Variants in LHFPL2 observed in about 807,000 individuals in gnomAD.
LHFPL2 encodes LHFPL tetraspan subfamily member 2 protein.
LHFPL2 carries 7 observed loss-of-function variants against 17.5 expected under a neutral mutation model. The ratio of observed to expected loss-of-function variants is 0.40; its 90% CI spans 0.23 to 0.75. The LOEUF (loss-of-function observed/expected upper bound fraction) is 0.75, where lower values mean the gene tolerates loss of function less well. LHFPL2 is among the 30% of genes least tolerant of loss of function. The pLI is 0.37. For missense variants in LHFPL2, 241 were observed against 294.8 expected (o/e 0.82, Z 1.34); for synonymous variants, 134 against 116.2 (o/e 1.15, Z -0.99).
At chr5:78,621,560 T>C (rs1394046992) in intron 2 of LHFPL2, among the ~76,000 whole-genome samples, 1 of 152,188 alleles carries the variant, frequency 6.6e-6, no homozygotes, top group Non-Finnish European at 1.5e-5. Flanking sequence ...TTAGAAACTG[T>C]TGGGTTCACC....
chr5:78,494,879 ACT>A (rs1446611123), intron 4 of LHFPL2, among the ~76,000 whole-genome samples: 3 of 152,174 alleles, frequency 2.0e-5, no homozygotes, highest in Non-Finnish European at 4.4e-5. Context: ...CAGTTTTATC[ACT>A]GTGTTCCCAA....
chr5:78,616,370 A>G (rs574263114), intron 2 of LHFPL2, among the ~76,000 whole-genome samples: 59 of 152,172 alleles, frequency 3.9e-4, no homozygotes, highest in Middle Eastern at 6.8e-3. Flanking sequence ...CTTGTGATCC[A>G]GCCGCCTCGC....
chr5:78,573,506 C>G (rs1757055503), intron 2 of LHFPL2, among the ~76,000 whole-genome samples: 1 of 152,200 alleles, frequency 6.6e-6, no homozygotes, highest in Non-Finnish European at 1.5e-5. Flanking sequence ...GAAGTTGAGG[C>G]CAACACACTC....
intron 4 of LHFPL2, among the ~76,000 whole-genome samples, chr5:78,501,386 G>A (rs560900042): frequency 6.6e-6 from 1 of 152,300 alleles, no homozygotes; most frequent in African/African-American, 2.4e-5. Flanking sequence ...GAGTGGACCA[G>A]CACTCGTTCA....
At chr5:78,566,469 CT>C (rs577298735) in intron 2 of LHFPL2, among the ~76,000 whole-genome samples, 140 of 147,796 alleles carry the variant, frequency 9.5e-4, no homozygotes, top group African/African-American at 2.0e-3. Flanking sequence ...GAAACTAAGA[CT>C]TTTTTTTTTT....
chr5:78,613,437 T>C (rs1375081210), intron 2 of LHFPL2, among the ~76,000 whole-genome samples: 1 of 152,206 alleles, frequency 6.6e-6, no homozygotes, highest in Non-Finnish European at 1.5e-5. Context: ...TAGAGTGCAT[T>C]ATTAACACAA....
At chr5:78,538,855 C>T (rs559965118) in intron 3 of LHFPL2, among the ~76,000 whole-genome samples, 1 of 152,298 alleles carries the variant, frequency 6.6e-6, no homozygotes, top group East Asian at 1.9e-4. Flanking sequence ...CCACACACCA[C>T]GTATCCTTTG....
chr5:78,615,391 T>G (rs1020426576), intron 2 of LHFPL2, among the ~76,000 whole-genome samples: 2 of 152,154 alleles, frequency 1.3e-5, no homozygotes, highest in Non-Finnish European at 2.9e-5. Context: ...GCATAACATA[T>G]TTCTTCCCTC....
intron 2 of LHFPL2, among the ~76,000 whole-genome samples, chr5:78,621,627 A>G (rs1257335725): frequency 3.0e-4 from 46 of 152,200 alleles, no homozygotes; most frequent in Admixed American, 3.0e-3. Flanking sequence ...AAATTTGTAA[A>G]GCTATTTCCC....
chr5:78,605,780 C>T (rs2112479015), intron 2 of LHFPL2, among the ~76,000 whole-genome samples: 1 of 152,230 alleles, frequency 6.6e-6, no homozygotes, highest in Non-Finnish European at 1.5e-5. Context: ...TAAAATTCCC[C>T]AGAATTTAAT....
intron 1 of LHFPL2, among the ~76,000 whole-genome samples, chr5:78,634,957 A>T (rs1010847672): frequency 6.6e-6 from 1 of 152,230 alleles, no homozygotes; most frequent in Non-Finnish European, 1.5e-5. Context: ...AATGTGGGGC[A>T]CTAAGCCCAA....
At chr5:78,550,990 A>G (rs1439346905) in intron 3 of LHFPL2, among the ~76,000 whole-genome samples, 2 of 152,234 alleles carry the variant, frequency 1.3e-5, no homozygotes, top group Non-Finnish European at 2.9e-5. Context: ...CTCATTCACT[A>G]AACAATGGTG....
rs1171548063 is a variant in LHFPL2 at position 78,584,993 on chromosome 5, G to T, written c.-244-20122C>A. 3.2e-4 allele frequency among the ~76,000 whole-genome samples: 27 copies of T among 84,774 alleles called. 3 individuals are homozygous for T. The highest frequency in any genetic ancestry group is 1.3e-3 in the African/African-American group (27 of 20,192). The allele number at this position is 84,774 out of a possible 152,430, so 55.6% of individuals were successfully genotyped here. A position where few individuals can be genotyped will look rare whatever the true frequency, so the allele number is the denominator to read the frequency against. On this transcript the variant is annotated intron_variant, in intron 2 of 4. Coordinates refer to ENST00000380345, the MANE Select transcript of LHFPL2 (RefSeq NM_005779.3). Reference sequence around the variant, plus strand: ...GCGGGATATAATCTCCTGGTGCGCTGTGTTTTTTTTTTTTTTTTTTTTTTT... The same window carrying T: ...GCGGGATATAATCTCCTGGTGCGCTTTGTTTTTTTTTTTTTTTTTTTTTTT...
chr5:78,509,982 G>T lies in LHFPL2; in HGVS notation c.232C>A (p.Arg78=), dbSNP rs1472802663. ...GCGTAGGGCCCGCACAGCGTGTCCC[G>T]CTGGAAGTGCTGCACCCCTGGGTTC... ...IRNPGVQHFQ[R]DTLCGPYAES... is the part of the protein sequence containing the mutation. The change falls in exon 4 of 5, where the codon CGG becomes AGG. Residue 78 remains arginine (R), a synonymous_variant. Coordinates refer to ENST00000380345, the MANE Select transcript of LHFPL2 (RefSeq NM_005779.3). 6.2e-7 allele frequency: 1 copy of T among 1,613,496 alleles called. No homozygotes were observed. Among genetic ancestry groups the T allele is most frequent in the African/African-American group, 1.3e-5 (1 of 74,940 alleles).
rs1561312566 is a variant in LHFPL2, at chr5:78,509,948, A to G, written c.266T>C (p.Phe89Ser). The G allele has an allele frequency of 3.7e-6, 6 of 1,613,744 alleles. No individual in the cohort carries two copies. Among genetic ancestry groups the G allele is most frequent in the African/African-American group, 2.7e-5 (2 of 74,940 alleles). Residue 89 changes from phenylalanine to serine, a missense_variant, in exon 4 of 5, where the codon TTC (phenylalanine) becomes TCC (serine). Coordinates refer to ENST00000380345, the MANE Select transcript of LHFPL2 (RefSeq NM_005779.3). ...CCAGAAGCCGCTGGCGATCTCGCCG[A>G]AGCTCTCGGCGTAGGGCCCGCACAG... ...DTLCGPYAES[F>S]GEIASGFWQA... is the part of the protein sequence containing the mutation.
At chr5:78,549,871 C>A (rs995588624) in intron 3 of LHFPL2, among the ~76,000 whole-genome samples, 1 of 152,158 alleles carries the variant, frequency 6.6e-6, no homozygotes, top group Admixed American at 6.5e-5. Flanking sequence ...CTCTAAAGGT[C>A]ACCACAGTGC....
At chr5:78,575,328 C>G (rs1040845899) in intron 2 of LHFPL2, among the ~76,000 whole-genome samples, 3 of 152,182 alleles carry the variant, frequency 2.0e-5, no homozygotes, top group African/African-American at 7.2e-5. Context: ...GTGCGTGGAT[C>G]ACAAGGTCAG....
At chr5:78,540,512 A>G (rs539812873) in intron 3 of LHFPL2, among the ~76,000 whole-genome samples, 1 of 152,302 alleles carries the variant, frequency 6.6e-6, no homozygotes, top group Admixed American at 6.5e-5. Context: ...ATAGCCTCCC[A>G]TTCATGGCCT....
At chr5:78,568,104 A>G (rs1383242710) in intron 2 of LHFPL2, among the ~76,000 whole-genome samples, 3 of 152,206 alleles carry the variant, frequency 2.0e-5, no homozygotes, top group Admixed American at 2.0e-4. Flanking sequence ...TCACGCTGCC[A>G]GGTCACCTTT....
Sources: gnomAD v4.1 joint callset for allele counts (sites outside exome capture counted in the v4.1 genomes callset) on GRCh38, gnomAD v4.1.1 for gene constraint, MANE v1.5 for transcripts, NCBI Gene and HGNC (gene_info 2026-07-23, HGNC 2026-07-21) for gene names.